The following SRGAP2C variants were observed in gnomAD, a reference collection of about 807,000 sequenced individuals.
SRGAP2C encodes SLIT-ROBO Rho GTPase-activating protein 2C.
SRGAP2C carries 15 observed loss-of-function variants against 25.1 expected under a neutral mutation model. The ratio of observed to expected loss-of-function variants is 0.60; its 90% CI spans 0.40 to 0.92. The LOEUF is 0.92. Ranked by LOEUF, SRGAP2C falls within the 40% of genes least tolerant of loss-of-function variation. The probability of loss-of-function intolerance (pLI) is 0.00; values close to 1 mark genes in which losing one functional copy is unlikely to be tolerated. For synonymous variants in SRGAP2C, 44 were observed against 96.6 expected (o/e 0.46, Z 3.19); for missense variants, 144 against 264.4 (o/e 0.54, Z 3.16).
At chr1:121,222,051 A>C (rs2101447893) in intron 2 of SRGAP2C, among the ~76,000 whole-genome samples, 1 of 152,040 alleles carries the variant, frequency 6.6e-6, no homozygotes, top group African/African-American at 2.4e-5. Context: ...GTCATCCAGC[A>C]CTCACAAAAC....
chr1:121,320,955 C>T (rs1208352130), intron 3 of SRGAP2C, among the ~76,000 whole-genome samples: 1 of 152,180 alleles, frequency 6.6e-6, no homozygotes, highest in African/African-American at 2.4e-5. Flanking sequence ...TTGAACCTTG[C>T]TGCTGTGTGT....
chr1:121,244,104 TAA>T (rs587681644), intron 2 of SRGAP2C, among the ~76,000 whole-genome samples: 5 of 98,042 alleles, frequency 5.1e-5, no homozygotes, highest in Non-Finnish European at 6.1e-5. Context: ...TGGTGGAGAT[TAA>T]AAAAAAAAAA....
At chr1:121,374,701 A>G (rs587614273) in intron 6 of SRGAP2C, 125 bp from the exon 7 acceptor site, 2 of 617,162 alleles carry the variant, frequency 3.2e-6, no homozygotes, top group African/African-American at 3.7e-5. Context: ...AACCCAATTT[A>G]AGGCAGATGC....
chr1:121,370,977 T>C (rs1659471963), intron 5 of SRGAP2C, among the ~76,000 whole-genome samples: 1 of 151,838 alleles, frequency 6.6e-6, no homozygotes, highest in Non-Finnish European at 1.5e-5. Flanking sequence ...TAGAACCTTT[T>C]TTTTCCTATT....
At chr1:121,213,044 A>ATTT (rs533839791) in intron 2 of SRGAP2C, among the ~76,000 whole-genome samples, 3 of 129,126 alleles carry the variant, frequency 2.3e-5, no homozygotes, top group Admixed American at 7.7e-5. Context: ...TAGTTTTCTA[A>ATTT]TTTTTTTTTT....
chr1:121,391,445 A>ATTTTGT lies in SRGAP2C; in HGVS notation c.*3590_*3591insTTTTGT, dbSNP rs1660079306. On this transcript the variant is annotated 3_prime_UTR_variant, in exon 10 of 10. Coordinates refer to ENST00000367123, the MANE Select transcript of SRGAP2C (RefSeq NM_001329984.2). ...GCTTTAAAGAACCCAGCACAAAGCC[A>ATTTTGT]GTCTGCATGGCCTACAGACATATTT... 1 of 152,206 alleles carries ATTTTGT rather than the reference A, an allele frequency of 6.6e-6. No homozygotes were observed. The highest frequency in any genetic ancestry group is 1.5e-5 in the Non-Finnish European group (1 of 68,046). The allele number at this position is 152,206 out of a possible 1,614,324, so 9.4% of individuals were successfully genotyped here.
rs1330323508 is a variant in SRGAP2C at position 121,317,090 on chromosome 1, A to T, written c.261-7388A>T. On this transcript the variant is annotated intron_variant, in intron 3 of 9. Coordinates refer to ENST00000367123, the MANE Select transcript of SRGAP2C (RefSeq NM_001329984.2). ...TGTACACACAAGCCACAAGACCAGG[A>T]TAAGATGTGGGTTGTGGCTGATGCA... Among the ~76,000 whole-genome samples, 6 of 103,462 alleles carry T rather than the reference A, an allele frequency of 5.8e-5. 2 individuals are homozygous for T. The highest frequency in any genetic ancestry group is 2.1e-4 in the African/African-American group (6 of 28,846). 67.9% of individuals were successfully genotyped at this position (103,462 alleles called of 152,430 possible).
At chr1:121,211,015 C>T (rs587657207) in intron 2 of SRGAP2C, among the ~76,000 whole-genome samples, 1 of 129,136 alleles carries the variant, frequency 7.7e-6, no homozygotes, top group Admixed American at 7.9e-5. Flanking sequence ...CAAAAGGCCA[C>T]TGAATAAACA....
rs1463806959 is a variant in SRGAP2C at position 121,185,097 on chromosome 1, G to A, written c.-570G>A. The stretch of plus-strand genomic sequence containing the variant: ...GCTCTGAGTGGGAAGCGGAACCGGG[G>A]GCCTGGGACCCGTCGCGTCAGAGCC... On this transcript the variant is annotated 5_prime_UTR_variant, in exon 1 of 10. Transcript: ENST00000367123. 94 of 487,648 alleles carry A rather than the reference G, an allele frequency of 1.9e-4. No homozygotes were observed. The highest frequency in any genetic ancestry group is 2.1e-4 in the Non-Finnish European group (59 of 278,494). The allele number at this position is 487,648 out of a possible 1,614,324, so 30.2% of individuals were successfully genotyped here.
At chr1:121,260,261 G>A (rs1348038839) in intron 2 of SRGAP2C, among the ~76,000 whole-genome samples, 1 of 151,514 alleles carries the variant, frequency 6.6e-6, no homozygotes, top group Non-Finnish European at 1.5e-5. Context: ...AGGTAAGAGT[G>A]TAAGCCACGT....
At position 121,286,096 on chromosome 1, in the gene SRGAP2C, G is replaced by A. The variant is rs1407810999; in HGVS notation, c.260+1101G>A. Among the ~76,000 whole-genome samples the A allele has an allele frequency of 7.9e-5, 12 of 152,228 alleles. No individual in the cohort carries two copies. The East Asian group carries it at 1.9e-3, about 24-fold the overall frequency. On this transcript the variant is annotated intron_variant, in intron 3 of 9. Coordinates refer to ENST00000367123, the MANE Select transcript of SRGAP2C (RefSeq NM_001329984.2). The stretch of plus-strand genomic sequence containing the variant: ...GCCCCCATGCAGCCCACAGGCCATA[G>A]GTTGGACAAGCTTGGTCTACAGTTT...
chr1:121,329,380 C>A (rs1247473141), intron 4 of SRGAP2C, among the ~76,000 whole-genome samples: 1 of 144,190 alleles, frequency 6.9e-6, no homozygotes, highest in Non-Finnish European at 1.5e-5. Flanking sequence ...TCATTGAATT[C>A]AGATATTTCA....
chr1:121,221,926 G>A (rs1177353672), intron 2 of SRGAP2C, among the ~76,000 whole-genome samples: 5 of 152,002 alleles, frequency 3.3e-5, no homozygotes, highest in Admixed American at 6.6e-5. Flanking sequence ...AAATGCTAGC[G>A]TCCTAGCCAT....
rs1404813754 is a variant in SRGAP2C at position 121,386,107 on chromosome 1, CT to C, written c.1057-398del. Among the ~76,000 whole-genome samples, 23 of 77,884 alleles carry C rather than the reference CT, an allele frequency of 3.0e-4. 1 individual carries two copies. Among genetic ancestry groups the C allele is most frequent in the African/African-American group, 1.4e-3 (23 of 16,750 alleles). The allele number at this position is 77,884 out of a possible 152,430, so 51.1% of individuals were successfully genotyped here. On this transcript the variant is annotated intron_variant, in intron 8 of 9. Transcript: ENST00000367123. The stretch of plus-strand genomic sequence containing the variant: ...GTTAGCCTCCTGACCCACTTCTCTC[CT>C]GCTTTCACTCTGGTGTATGAAGGGG...
At chr1:121,224,896 G>T (rs1371422946) in intron 2 of SRGAP2C, among the ~76,000 whole-genome samples, 4 of 145,190 alleles carry the variant, frequency 2.8e-5, no homozygotes, top group Admixed American at 6.9e-5. Context: ...TCTTAGCTGG[G>T]TCTCTAACCT....
At position 121,374,898 on chromosome 1, in the gene SRGAP2C, G is replaced by T. The variant is rs782629527; in HGVS notation, c.775G>T (p.Ala259Ser). The T allele has an allele frequency of 1.3e-6, 1 of 778,936 alleles. No homozygotes were observed. Among genetic ancestry groups the T allele is most frequent in the Non-Finnish European group, 2.4e-6 (1 of 417,226 alleles). The allele number at this position is 778,936 out of a possible 1,614,324, so 48.3% of individuals were successfully genotyped here. A position where few individuals can be genotyped will look rare whatever the true frequency, so the allele number is the denominator to read the frequency against. ...AQNEYLLALE[A>S]TNASVFKYYI... is the part of the protein sequence containing the mutation. ...GAATGAGTACTTGCTGGCTTTGGAG[G>T]CAACCAATGCATCTGTCTTCAAGTA... Residue 259 changes from alanine to serine, a missense_variant, in exon 7 of 10, where the codon GCA (alanine) becomes TCA (serine). Coordinates refer to ENST00000367123, the MANE Select transcript of SRGAP2C (RefSeq NM_001329984.2).
chr1:121,357,977 AG>A (rs1360622131), intron 4 of SRGAP2C, among the ~76,000 whole-genome samples: 6 of 77,064 alleles, frequency 7.8e-5, no homozygotes, highest in Non-Finnish European at 1.5e-4. Context: ...AATTTACCCA[AG>A]GTCATCAATT....
intron 3 of SRGAP2C, among the ~76,000 whole-genome samples, chr1:121,295,611 G>A (rs1657579360): frequency 6.6e-6 from 1 of 152,010 alleles, no homozygotes; most frequent in African/African-American, 2.4e-5. Context: ...CTGACTGATG[G>A]GATTCAGGTT....
intron 2 of SRGAP2C, among the ~76,000 whole-genome samples, chr1:121,265,023 C>A (rs1448082275): frequency 8.5e-5 from 8 of 94,006 alleles, no homozygotes; most frequent in Non-Finnish European, 2.2e-5. Flanking sequence ...ATGGTGTAAC[C>A]CCATCTCTAC....
Sources: allele counts gnomAD v4.1 joint callset (sites outside exome capture counted in the v4.1 genomes callset), GRCh38; gene constraint gnomAD v4.1.1; transcripts MANE v1.5; gene names NCBI Gene and HGNC (gene_info 2026-07-23, HGNC 2026-07-21).